Variants in PRRC2B observed in about 807,000 individuals in gnomAD.
PRRC2B encodes protein PRRC2B.
Under a neutral mutation model 242.3 loss-of-function variants are expected in PRRC2B, and 68 were observed. The ratio of observed to expected loss-of-function variants is 0.28; its 90% CI spans 0.23 to 0.34. The LOEUF (loss-of-function observed/expected upper bound fraction) is 0.34. Ranked by LOEUF, PRRC2B falls within the 10% of genes least tolerant of loss-of-function variation. PRRC2B has a pLI of 1.00. For missense variants in PRRC2B, 2,835 were observed against 2,954.8 expected, an observed-to-expected ratio of 0.96 and a Z score of 0.94; for synonymous variants, 1,228 against 1,173.6, an observed-to-expected ratio of 1.05 and a Z score of -0.95.
Position 131,476,046 on chromosome 9 carries a change from G to A in PRRC2B, c.3917G>A (p.Arg1306His), listed in dbSNP as rs760269046. The part of the protein sequence containing the change: ...NRPFRRRRPP[R>H]QDKPPRFRRL... ...CCCTTCAGGAGAAGGCGCCCCCCAC[G>A]CCAAGATAAGCCCCCTCGATTCCGG... Residue 1306 changes from arginine to histidine, a missense_variant, in exon 16 of 32, where the codon CGC (arginine) becomes CAC (histidine). Transcript: ENST00000683519. 4 of 1,605,962 alleles carry A rather than the reference G, an allele frequency of 2.5e-6. No individual in the cohort carries two copies. The highest frequency in any genetic ancestry group is 2.2e-5 in the East Asian group (1 of 44,680).
At chr9:131,386,380 G>C (rs1452107508) in intron 1 of PRRC2B, among the ~76,000 whole-genome samples, 2 of 150,316 alleles carry the variant, frequency 1.3e-5, no homozygotes, top group Non-Finnish European at 3.0e-5. Context: ...GCCTCCCAGA[G>C]TCCCGTGATT....
intron 5 of PRRC2B, among the ~76,000 whole-genome samples, chr9:131,440,808 T>C (rs1280895933): frequency 1.3e-5 from 2 of 152,088 alleles, no homozygotes; most frequent in South Asian, 2.1e-4. Context: ...TCTTAACCAT[T>C]TGTGTAAAAA....
chr9:131,457,863 T>TTGTCCCCTCTGTAATTG (rs1564289961), intron 10 of PRRC2B, among the ~76,000 whole-genome samples: 6 of 152,208 alleles, frequency 3.9e-5, no homozygotes, highest in East Asian at 1.9e-4. Context: ...CTCTGTAATT[T>TTGTCCCCTCTGTAATTG]TCCCCTCTGT....
intron 5 of PRRC2B, among the ~76,000 whole-genome samples, chr9:131,439,809 T>C (rs980327204): frequency 2.0e-5 from 3 of 151,964 alleles, no homozygotes; most frequent in African/African-American, 4.8e-5. Context: ...TTATAGCCCA[T>C]TGCAGCCTCG....
intron 1 of PRRC2B, among the ~76,000 whole-genome samples, chr9:131,420,646 C>T (rs1343725596): frequency 5.3e-5 from 8 of 150,824 alleles, no homozygotes; most frequent in African/African-American, 1.2e-4. Flanking sequence ...TGCACTACCA[C>T]GCCCAGCTAA....
intron 31 of PRRC2B, among the ~76,000 whole-genome samples, chr9:131,495,389 C>G (rs983268383): frequency 5.9e-5 from 9 of 152,060 alleles, no homozygotes; most frequent in Non-Finnish European, 1.2e-4. Flanking sequence ...CCTTTTTTGC[C>G]TGTGGGGCAG....
intron 1 of PRRC2B, among the ~76,000 whole-genome samples, chr9:131,402,943 GCCGGCGTCAACTTCCCGA>G: frequency 6.6e-6 from 1 of 152,338 alleles, no homozygotes; most frequent in African/African-American, 2.4e-5. Flanking sequence ...CCTCCGGGAA[GCCGGCGTCAACTTCCCGA>G]CACGCTTCAG....
At chr9:131,476,868 G>A (rs1456882256) in intron 16 of PRRC2B, among the ~76,000 whole-genome samples, 6 of 152,106 alleles carry the variant, frequency 3.9e-5, no homozygotes, top group East Asian at 3.9e-4. Context: ...GCCAGGTGCC[G>A]GTCAGTCCAC....
intron 10 of PRRC2B, among the ~76,000 whole-genome samples, chr9:131,456,482 C>A (rs1292422067): frequency 6.6e-6 from 1 of 151,760 alleles, no homozygotes; most frequent in Non-Finnish European, 1.5e-5. Flanking sequence ...ATACAAAAAA[C>A]TAGCTGGGCA....
At chr9:131,489,405 C>T (rs1944120897) in intron 28 of PRRC2B, among the ~76,000 whole-genome samples, 1 of 152,072 alleles carries the variant, frequency 6.6e-6, no homozygotes, top group South Asian at 2.1e-4. Context: ...TGATCTCGAA[C>T]TGCTGACCTC....
intron 1 of PRRC2B, among the ~76,000 whole-genome samples, chr9:131,386,243 G>A (rs1195085037): frequency 1.3e-5 from 2 of 150,246 alleles, no homozygotes; most frequent in Non-Finnish European, 3.0e-5. Context: ...CTCCGGAATA[G>A]CTGGGACTGC....
chr9:131,419,984 G>A (rs900848476), intron 1 of PRRC2B, among the ~76,000 whole-genome samples: 2 of 152,118 alleles, frequency 1.3e-5, no homozygotes, highest in African/African-American at 2.4e-5. Flanking sequence ...TGTGGTTCCG[G>A]CAAGGGGCTT....
intron 1 of PRRC2B, among the ~76,000 whole-genome samples, chr9:131,421,671 C>T (rs1330818674): frequency 1.3e-5 from 2 of 152,178 alleles, no homozygotes; most frequent in African/African-American, 4.8e-5. Flanking sequence ...GCCTTTGTCA[C>T]TATTGTGAGT....
At chr9:131,481,882 G>A in intron 20 of PRRC2B, 74 bp downstream of exon 20, 1 of 1,352,672 alleles carries the variant, frequency 7.4e-7, no homozygotes. Flanking sequence ...CACACGGCCA[G>A]CTTGCTGTGG....
rs772196243 is a variant in PRRC2B at position 131,479,302 on chromosome 9, A to C, written c.4809A>C (p.Ala1603=). The stretch of plus-strand genomic sequence containing the variant: ...CCTCCCGTATTCCTCCTCGATTTGC[A>C]AAAAAGCAGAACAACTTATGTCTGG... ...GLSSRIPPRF[A]KKQNNLCLEQ... Residue 1603 remains alanine, a synonymous_variant, in exon 19 of 32, where the codon GCA becomes GCC. Transcript: ENST00000683519. 1 of 1,613,824 alleles carries C rather than the reference A, an allele frequency of 6.2e-7. No homozygotes were observed. The highest frequency in any genetic ancestry group is 1.1e-5 in the South Asian group (1 of 91,062).
At chr9:131,410,363 C>T (rs1361268658) in intron 1 of PRRC2B, among the ~76,000 whole-genome samples, 1 of 152,192 alleles carries the variant, frequency 6.6e-6, no homozygotes, top group Non-Finnish European at 1.5e-5. Flanking sequence ...CAGTTCACAC[C>T]CCACCGCAGG....
chr9:131,462,133 C>T (rs1943259083), intron 11 of PRRC2B, among the ~76,000 whole-genome samples: 1 of 152,206 alleles, frequency 6.6e-6, no homozygotes, highest in Non-Finnish European at 1.5e-5. Context: ...CATAACAGCA[C>T]TGTAAATTAG....
intron 1 of PRRC2B, among the ~76,000 whole-genome samples, chr9:131,378,566 C>G (rs376701380): frequency 6.6e-6 from 1 of 152,176 alleles, no homozygotes; most frequent in African/African-American, 2.4e-5. Context: ...TTTTCCCAAG[C>G]GCTCAGCCTC....
rs762592002 is a variant in PRRC2B, at chr9:131,476,353, T to C, written c.4224T>C (p.Ala1408=). 6.3e-7 allele frequency: 1 copy of C among 1,592,708 alleles called. No individual in the cohort carries two copies. The highest frequency in any genetic ancestry group is 8.5e-7 in the Non-Finnish European group (1 of 1,169,718). ...AGGTGGATGGTGGCCTGTCGGGGGC[T>C]AGTTTGGGTGAGAAGAAGGAGCTGG... ...DSQVDGGLSG[A]SLGEKKELAK... The change falls in exon 16 of 32, where the codon GCT becomes GCC. Residue 1408 remains alanine, a synonymous_variant. Coordinates refer to ENST00000683519, the MANE Select transcript of PRRC2B (RefSeq NM_013318.4).
Sources: allele counts gnomAD v4.1 joint callset (sites outside exome capture counted in the v4.1 genomes callset), GRCh38; gene constraint gnomAD v4.1.1; transcripts MANE v1.5; gene names NCBI Gene and HGNC (gene_info 2026-07-23, HGNC 2026-07-21).